GLRA3: variants seen among roughly 807,000 people sequenced by gnomAD.
GLRA3 encodes glycine receptor alpha 3.
GLRA3 carries 44 observed loss-of-function variants against 60.4 expected under a neutral mutation model. The observed-to-expected ratio is 0.73, with a 90% confidence interval of 0.57 to 0.94. The LOEUF (loss-of-function observed/expected upper bound fraction) is 0.94. Ranked by LOEUF, GLRA3 falls within the 40% of genes least tolerant of loss-of-function variation. The pLI, the probability that GLRA3 is intolerant of heterozygous loss-of-function variation, is 0.00. For missense variants in GLRA3, 508 were observed against 564.6 expected (o/e 0.90, Z 1.02); for synonymous variants, 223 against 192.9 (o/e 1.16, Z -1.29).
chr4:174,691,637 G>A (rs1215404430), intron 5 of GLRA3, among the ~76,000 whole-genome samples: 17 of 152,318 alleles, frequency 1.1e-4, no homozygotes, highest in East Asian at 3.9e-4. Context: ...CGAGTGATCC[G>A]CCAGCCTCGG....
At chr4:174,813,165 T>C (rs1046434918) in intron 1 of GLRA3, among the ~76,000 whole-genome samples, 7 of 152,248 alleles carry the variant, frequency 4.6e-5, no homozygotes, top group African/African-American at 1.4e-4. Flanking sequence ...TTCAGTCTCA[T>C]ATTTTCCAAT....
At chr4:174,769,220 T>G (rs1738284976) in intron 2 of GLRA3, among the ~76,000 whole-genome samples, 1 of 152,096 alleles carries the variant, frequency 6.6e-6, no homozygotes, top group Admixed American at 6.6e-5. Context: ...AGATTTAGCC[T>G]TTTTTCATAC....
intron 9 of GLRA3, among the ~76,000 whole-genome samples, chr4:174,649,504 G>A (rs1579385820): frequency 6.6e-6 from 1 of 152,136 alleles, no homozygotes; most frequent in South Asian, 2.1e-4. Context: ...GTAATAAAAT[G>A]GGAGCCCTTA....
At chr4:174,724,044 A>T (rs1736226069) in intron 4 of GLRA3, among the ~76,000 whole-genome samples, 1 of 129,734 alleles carries the variant, frequency 7.7e-6, no homozygotes, top group South Asian at 2.7e-4. Context: ...ATGCATATAT[A>T]TATTTGTGTG....
intron 3 of GLRA3, among the ~76,000 whole-genome samples, chr4:174,747,277 C>T (rs1471135181): frequency 6.6e-6 from 1 of 152,058 alleles, no homozygotes; most frequent in African/African-American, 2.4e-5. Context: ...ATGCAAGGAA[C>T]AGATGTGAGA....
At chr4:174,682,586 T>G (rs958436435) in intron 6 of GLRA3, among the ~76,000 whole-genome samples, 13 of 152,194 alleles carry the variant, frequency 8.5e-5, no homozygotes, top group Non-Finnish European at 1.5e-5. Context: ...TTAAAGATAA[T>G]TGAACACCAA....
chr4:174,823,030 T>G (rs554427891), intron 1 of GLRA3, among the ~76,000 whole-genome samples: 1 of 152,336 alleles, frequency 6.6e-6, no homozygotes, highest in African/African-American at 2.4e-5. Flanking sequence ...GTTGTTGCCA[T>G]GCAGTTGTTA....
At chr4:174,776,273 C>T (rs547677852) in intron 2 of GLRA3, among the ~76,000 whole-genome samples, 11 of 152,276 alleles carry the variant, frequency 7.2e-5, no homozygotes, top group Non-Finnish European at 1.6e-4. Flanking sequence ...TAAAGCAAAG[C>T]TCTGGCCAGG....
chr4:174,688,255 C>T (rs1487443689), intron 5 of GLRA3, among the ~76,000 whole-genome samples: 1 of 145,474 alleles, frequency 6.9e-6, no homozygotes, highest in Non-Finnish European at 1.5e-5. Flanking sequence ...ACCTTTCCTC[C>T]AGTTGCTCTA....
At chr4:174,655,973 TTATAAA>T (rs1733180923) in intron 9 of GLRA3, among the ~76,000 whole-genome samples, 1 of 152,108 alleles carries the variant, frequency 6.6e-6, no homozygotes, top group African/African-American at 2.4e-5. Flanking sequence ...GGAGAACTAC[TTATAAA>T]TATAGTTTAC....
chr4:174,778,712 GAC>G (rs1160872538), intron 2 of GLRA3, among the ~76,000 whole-genome samples: 2 of 152,120 alleles, frequency 1.3e-5, no homozygotes, highest in Non-Finnish European at 2.9e-5. Context: ...AGAAAGGGGT[GAC>G]GCACCTGGAA....
At position 174,672,681 on chromosome 4, in the gene GLRA3, G is replaced by A. The variant is rs537422317; in HGVS notation, c.927+4397C>T. ...TCGAACAGCCAATCTCAGGGCAAGC[G>A]CAGAAGAGATACAGGCACCTCACAG... On this transcript the variant is annotated intron_variant, in intron 7 of 9. Coordinates refer to ENST00000274093, the MANE Select transcript of GLRA3 (RefSeq NM_006529.4). Among the ~76,000 whole-genome samples the A allele has an allele frequency of 2.6e-5, 4 of 152,248 alleles. No individual in the cohort carries two copies. The East Asian group carries it at 5.8e-4, about 22-fold the overall frequency.
intron 9 of GLRA3, among the ~76,000 whole-genome samples, chr4:174,648,873 T>C (rs886398962): frequency 1.3e-5 from 2 of 152,096 alleles, no homozygotes; most frequent in Non-Finnish European, 2.9e-5. Flanking sequence ...ATTGACAGGA[T>C]TTCTGTGAAC....
At chr4:174,778,921 C>A (rs111950854) in intron 2 of GLRA3, among the ~76,000 whole-genome samples, 2,770 of 150,756 alleles carry the variant, frequency 0.018, 43 homozygotes, top group African/African-American at 0.042. Context: ...CCCAGGCTTG[C>A]TTAGGTAAAC....
At chr4:174,734,855 C>A (rs1736708775) in intron 3 of GLRA3, among the ~76,000 whole-genome samples, 1 of 152,110 alleles carries the variant, frequency 6.6e-6, no homozygotes, top group African/African-American at 2.4e-5. Context: ...AAACTTAGTT[C>A]ATGGGAACAC....
chr4:174,790,084 G>A (rs1206695189), intron 1 of GLRA3, among the ~76,000 whole-genome samples: 1 of 152,126 alleles, frequency 6.6e-6, no homozygotes, highest in Admixed American at 6.5e-5. Context: ...ATCAATCTTG[G>A]TGATAATATG....
chr4:174,770,960 T>C (rs1040723591), intron 2 of GLRA3, among the ~76,000 whole-genome samples: 1 of 151,870 alleles, frequency 6.6e-6, no homozygotes, highest in African/African-American at 2.4e-5. Context: ...GAAACCATCA[T>C]TCTCAGCAAA....
intron 5 of GLRA3, among the ~76,000 whole-genome samples, chr4:174,693,200 G>A (rs1298402141): frequency 2.0e-5 from 3 of 152,084 alleles, no homozygotes; most frequent in African/African-American, 2.4e-5. Context: ...TGTTGCAATT[G>A]CTTTTGGTGT....
chr4:174,710,827 G>A (rs972563754), intron 5 of GLRA3, among the ~76,000 whole-genome samples: 1 of 151,630 alleles, frequency 6.6e-6, no homozygotes, highest in Non-Finnish European at 1.5e-5. Flanking sequence ...ATGTGTCTAG[G>A]TTCTGAGATT....
Sources: gnomAD v4.1 joint callset for allele counts (sites outside exome capture counted in the v4.1 genomes callset) on GRCh38, gnomAD v4.1.1 for gene constraint, MANE v1.5 for transcripts, NCBI Gene and HGNC (gene_info 2026-07-23, HGNC 2026-07-21) for gene names.